Variants in DYNC1H1 observed in about 807,000 individuals in gnomAD.
The protein encoded by DYNC1H1 is dynein cytoplasmic 1 heavy chain 1.
Under a neutral mutation model 527.1 loss-of-function variants are expected in DYNC1H1, and 51 were observed. The observed-to-expected ratio is 0.10, with a 90% confidence interval of 0.08 to 0.12. The LOEUF is 0.12. Ranked by LOEUF, DYNC1H1 falls within the 10% of genes least tolerant of loss-of-function variation. DYNC1H1 has a pLI of 1.00. For synonymous variants in DYNC1H1, 2,189 were observed against 2,278.8 expected, an observed-to-expected ratio of 0.96 and a Z score of 1.12; for missense variants, 2,771 against 5,971.8, an observed-to-expected ratio of 0.46 and a Z score of 17.66.
At position 102,055,119 on chromosome 14, in the gene DYNC1H1, G is replaced by C. The variant is rs1412699902; in HGVS notation, c.*4556G>C. On this transcript the variant is annotated 3_prime_UTR_variant, in exon 78 of 78. Coordinates refer to ENST00000360184, the MANE Select transcript of DYNC1H1 (RefSeq NM_001376.5). ...GTGGGCCTTCGGGAGGACCCTGGAG[G>C]AGAAGCCCCCTCCTCTTCACTTCCA... 2 of 152,196 alleles carry C rather than the reference G, an allele frequency of 1.3e-5. No homozygotes were observed. Among genetic ancestry groups the C allele is most frequent in the African/African-American group, 4.8e-5 (2 of 41,422 alleles). 9.4% of individuals were successfully genotyped at this position (152,196 alleles called of 1,614,324 possible).
Position 102,001,321 on chromosome 14 carries a change from A to G in DYNC1H1, c.4362A>G (p.Gln1454=), listed in dbSNP as rs755371820. ...TCAAGGATGTACTGCTTGTGGCACA[A>G]GGGGAGATGGCTTTGGAAGAATTTT... ...AIVKDVLLVA[Q]GEMALEEFLK... The change falls in exon 20 of 78, where the codon CAA becomes CAG. Residue 1454 remains glutamine (Q), a synonymous_variant. Transcript: ENST00000360184. This position sits in a 1 kb window ranked among gnomAD's most constrained non-coding sequence, Gnocchi z 5.0. The G allele has an allele frequency of 1.2e-6, 2 of 1,614,082 alleles. No individual in the cohort carries two copies. The highest frequency in any genetic ancestry group is 1.7e-6 in the Non-Finnish European group (2 of 1,180,038).
At chr14:101,991,388 C>A in intron 10 of DYNC1H1, 139 bp from the exon 11 acceptor site, 1 of 981,334 alleles carries the variant, frequency 1.0e-6, no homozygotes, top group Non-Finnish European at 1.5e-6. Flanking sequence ...TTGCTTGAAC[C>A]CGGGAGGCGG....
At position 102,042,046 on chromosome 14, in the gene DYNC1H1, G is replaced by A; in HGVS notation, c.12136G>A (p.Val4046Met). 1 of 1,614,110 alleles carries A rather than the reference G, an allele frequency of 6.2e-7. No homozygotes were observed. The highest frequency in any genetic ancestry group is 1.1e-5 in the South Asian group (1 of 91,084). ...CAACACTCCTGTCTTAATGTGCTCT[G>A]TGCCTGGTTATGATGCCAGTGGACA... ...KPNTPVLMCSVPGYDASGHVE... is the reference protein window; with the variant it reads ...KPNTPVLMCSMPGYDASGHVE... Residue 4046 changes from valine to methionine, a missense_variant, in exon 66 of 78, where the codon GTG (valine) becomes ATG (methionine). Val to Met is a conservative substitution (Grantham distance 21, BLOSUM62 1). Coordinates refer to ENST00000360184, the MANE Select transcript of DYNC1H1 (RefSeq NM_001376.5). The surrounding 1 kb of genome is among the most constrained non-coding windows in gnomAD (Gnocchi z 5.7).
Position 102,036,744 on chromosome 14 carries a change from C to G in DYNC1H1, c.10908+102C>G. On this transcript the variant is annotated intron_variant, in intron 57 of 77. Transcript: ENST00000360184. This position sits in a 1 kb window ranked among gnomAD's most constrained non-coding sequence, Gnocchi z 5.6. The stretch of plus-strand genomic sequence containing the variant: ...AACTTTGTAAGACTTCATTTTGTAT[C>G]AGAAGGATAAAGCTTTGCGGTGGTT... 7.7e-6 allele frequency: 11 copies of G among 1,437,108 alleles called. No individual in the cohort carries two copies. Among genetic ancestry groups the G allele is most frequent in the Admixed American group, 1.7e-5 (1 of 59,558 alleles). 89.0% of individuals were successfully genotyped at this position (1,437,108 alleles called of 1,614,324 possible).
intron 1 of DYNC1H1, among the ~76,000 whole-genome samples, chr14:101,972,058 A>G (rs1240825190): frequency 6.6e-6 from 1 of 152,214 alleles, no homozygotes; most frequent in Non-Finnish European, 1.5e-5. Flanking sequence ...AACTTTGCCA[A>G]GCATAAGGAA....
chr14:101,969,673 C>G (rs1005084449), intron 1 of DYNC1H1: 1 of 152,302 alleles, frequency 6.6e-6, no homozygotes, highest in Non-Finnish European at 1.5e-5. Context: ...GCTCTGCACT[C>G]AGTGGTATCC....
chr14:102,012,552 GA>G lies in DYNC1H1; in HGVS notation c.7014+83del. 2 of 1,583,768 alleles carry G rather than the reference GA, an allele frequency of 1.3e-6. No homozygotes were observed. The highest frequency in any genetic ancestry group is 1.7e-6 in the Non-Finnish European group (2 of 1,154,664). On this transcript the variant is annotated intron_variant, in intron 34 of 77. Transcript: ENST00000360184. The surrounding 1 kb of genome is among the most constrained non-coding windows in gnomAD (Gnocchi z 4.9). ...CGTGTGCTAGCTAAGTGCAGCTCTG[GA>G]GTCATGGACCCAGATTCCATGGAGT...
intron 34 of DYNC1H1, among the ~76,000 whole-genome samples, chr14:102,014,528 C>T (rs866329463): frequency 1.9e-3 from 266 of 141,776 alleles, no homozygotes; most frequent in African/African-American, 7.0e-3. Context: ...AAAACTCCAT[C>T]TCAAAAAAAA....
Position 102,010,728 on chromosome 14 carries a change from C to T in DYNC1H1, c.6406-12C>T, listed in dbSNP as rs565676310. On this transcript the variant is annotated splice_polypyrimidine_tract_variant and intron_variant, in intron 31 of 77. Transcript: ENST00000360184. This position sits in a 1 kb window ranked among gnomAD's most constrained non-coding sequence, Gnocchi z 6.0. ...ATGCTGCGCTGCTCACAGCCCAGCC[C>T]TCTCCCCGTAGATTCTGATACAGAG... The T allele has an allele frequency of 3.7e-6, 6 of 1,612,120 alleles. No homozygotes were observed. The African/African-American group carries it at 8.0e-5, about 22-fold the overall frequency.
In DYNC1H1 at chr14:102,016,206, G is replaced by T. The variant is rs577651559; in HGVS notation, c.7473+120G>T. On this transcript the variant is annotated intron_variant, in intron 36 of 77. Transcript: ENST00000360184. The surrounding 1 kb of genome is among the most constrained non-coding windows in gnomAD (Gnocchi z 7.3). ...CTCTCCTAGGCGAGGCAGAGCCTTC[G>T]TTGAGGGGCTAGGAAAGGTGCAGTG... The T allele has an allele frequency of 6.7e-7, 1 of 1,503,636 alleles. No individual in the cohort carries two copies. The highest frequency in any genetic ancestry group is 2.0e-5 in the Admixed American group (1 of 51,018). The allele number at this position is 1,503,636 out of a possible 1,614,324, so 93.1% of individuals were successfully genotyped here.
chr14:101,992,823 G>T (rs558560020), intron 11 of DYNC1H1, among the ~76,000 whole-genome samples: 1 of 152,200 alleles, frequency 6.6e-6, no homozygotes, highest in East Asian at 1.9e-4. Flanking sequence ...AGAACACCGT[G>T]CCTCCTGGTT....
At chr14:102,032,171 T>C (rs1047860276) in intron 51 of DYNC1H1, 101 bp from the exon 52 acceptor site, 3 of 1,405,196 alleles carry the variant, frequency 2.1e-6, no homozygotes, top group Non-Finnish European at 3.0e-6. Flanking sequence ...GTCCTTTCTC[T>C]CATTGGAGTT....
In DYNC1H1 at chr14:101,965,134, C is replaced by T. The variant is rs1320351747; in HGVS notation, c.256+187C>T. On this transcript the variant is annotated intron_variant, in intron 1 of 77. Coordinates refer to ENST00000360184, the MANE Select transcript of DYNC1H1 (RefSeq NM_001376.5). The surrounding 1 kb of genome is among the most constrained non-coding windows in gnomAD (Gnocchi z 4.1). ...CCGGGTCCCCAGGGCCGCAGACGCC[C>T]CGCAGAGGCCGGCGCGGCGCCCGGG... Among the ~76,000 whole-genome samples, 1 of 151,918 alleles carries T rather than the reference C, an allele frequency of 6.6e-6. No homozygotes were observed. Among genetic ancestry groups the T allele is most frequent in the East Asian group, 2.0e-4 (1 of 5,110 alleles).
chr14:101,986,289 C>T lies in DYNC1H1; in HGVS notation c.2064C>T (p.Ser688=). 6.2e-7 allele frequency: 1 copy of T among 1,613,858 alleles called. No individual in the cohort carries two copies. The highest frequency in any genetic ancestry group is 2.2e-5 in the East Asian group (1 of 44,866). ...AGAAGCTGAAGCAGGATGGAGACAG[C>T]TTCCGCATGAAGCTCAACACGCAGG... ...EGQKLKQDGD[S]FRMKLNTQEI... Residue 688 remains serine, a synonymous_variant, in exon 8 of 78, where the codon AGC becomes AGT. Coordinates refer to ENST00000360184, the MANE Select transcript of DYNC1H1 (RefSeq NM_001376.5). This position sits in a 1 kb window ranked among gnomAD's most constrained non-coding sequence, Gnocchi z 8.7.
rs888317854 is a variant in DYNC1H1 at position 101,998,879 on chromosome 14, C to CTTTTTTTTTTTTTTTTTTT, written c.3805-1108_3805-1090dup. ...TAATGTGTTAGAGTTAAAACTTTTTCTTTTTTTTTTTTTTTTTTTTGAGAC... is the reference window on the plus strand; with the variant it reads ...TAATGTGTTAGAGTTAAAACTTTTTCTTTTTTTTTTTTTTTTTTTTTTTTTTTTTTTTTTTTTTTGAGAC... On this transcript the variant is annotated intron_variant, in intron 16 of 77. Transcript: ENST00000360184. Among the ~76,000 whole-genome samples the CTTTTTTTTTTTTTTTTTTT allele has an allele frequency of 3.5e-5, 4 of 115,220 alleles. 1 individual carries two copies. The highest frequency in any genetic ancestry group is 1.1e-4 in the African/African-American group (3 of 26,520). 75.6% of individuals were successfully genotyped at this position (115,220 alleles called of 152,430 possible). A position where few individuals can be genotyped will look rare whatever the true frequency, so the allele number is the denominator to read the frequency against.
chr14:102,001,770 T>G lies in DYNC1H1; in HGVS notation c.4542+89T>G, dbSNP rs139425124. On this transcript the variant is annotated intron_variant, in intron 21 of 77. Transcript: ENST00000360184. This position sits in a 1 kb window ranked among gnomAD's most constrained non-coding sequence, Gnocchi z 5.0. ...TTTTCACTGACAGTTACTAGGTACC[T>G]GTTTTTTATTGTATTTTTTGAGACA... is the stretch of plus-strand genomic sequence containing the variant. 1 of 1,560,262 alleles carries G rather than the reference T, an allele frequency of 6.4e-7. No homozygotes were observed. The highest frequency in any genetic ancestry group is 1.7e-5 in the Admixed American group (1 of 57,292).
chr14:102,044,199 C>T lies in DYNC1H1; in HGVS notation c.12685-75C>T, dbSNP rs1274934385. 6.3e-6 allele frequency: 10 copies of T among 1,593,586 alleles called. No homozygotes were observed. The highest frequency in any genetic ancestry group is 1.3e-5 in the African/African-American group (1 of 74,538). On this transcript the variant is annotated intron_variant, in intron 70 of 77. Transcript: ENST00000360184. The surrounding 1 kb of genome is among the most constrained non-coding windows in gnomAD (Gnocchi z 7.1). ...TGGCCATGGGGAGTGAGGAGGAAAGCTGTGCCCCTCGAAAGGAAGCCCCGG... is the reference window on the plus strand; with the variant it reads ...TGGCCATGGGGAGTGAGGAGGAAAGTTGTGCCCCTCGAAAGGAAGCCCCGG...
chr14:101,977,525 C>T (rs111391161), intron 2 of DYNC1H1, among the ~76,000 whole-genome samples: 4 of 152,296 alleles, frequency 2.6e-5, no homozygotes, highest in African/African-American at 9.6e-5. Context: ...GTACAATGAT[C>T]AAATTCAAGA....
chr14:102,036,445 C>G lies in DYNC1H1; in HGVS notation c.10755-44C>G. The G allele has an allele frequency of 6.2e-7, 1 of 1,611,136 alleles. No homozygotes were observed. The highest frequency in any genetic ancestry group is 8.5e-7 in the Non-Finnish European group (1 of 1,178,904). The stretch of plus-strand genomic sequence containing the variant: ...CGGCTAACCGTGATCCTGTGCTTTC[C>G]CCATTCGGTGTTTCAACCTTCTCTT... On this transcript the variant is annotated intron_variant, in intron 56 of 77. Transcript: ENST00000360184. The surrounding 1 kb of genome is among the most constrained non-coding windows in gnomAD (Gnocchi z 5.6).
Sources: allele counts gnomAD v4.1 joint callset (sites outside exome capture counted in the v4.1 genomes callset), GRCh38; gene constraint gnomAD v4.1.1; non-coding constraint Gnocchi (gnomAD v3.1); transcripts MANE v1.5; gene names NCBI Gene and HGNC (gene_info 2026-07-23, HGNC 2026-07-21).